The following CNTN5 variants were observed in gnomAD, a reference collection of about 807,000 sequenced individuals.
CNTN5 encodes the protein contactin 5, also known as contactin-5.
A neutral mutation model predicts 129.1 loss-of-function variants in CNTN5; 77 were observed. That is an observed-to-expected ratio of 0.60 (90% CI 0.50 to 0.72). The LOEUF (loss-of-function observed/expected upper bound fraction) is 0.72, where lower values mean the gene tolerates loss of function less well. Ranked by LOEUF, CNTN5 falls within the 30% of genes least tolerant of loss-of-function variation. CNTN5 has a pLI of 0.00. For synonymous variants in CNTN5, 509 were observed against 465.6 expected (o/e 1.09, Z -1.20); for missense variants, 1,478 against 1,328.8 (o/e 1.11, Z -1.75).
intron 3 of CNTN5, among the ~76,000 whole-genome samples, chr11:99,637,733 TTA>T (rs1355556724): frequency 6.6e-6 from 1 of 151,832 alleles, no homozygotes. Context: ...AAATTAACTA[TTA>T]TATCAGTCTT....
intron 2 of CNTN5, among the ~76,000 whole-genome samples, chr11:99,422,402 A>C (rs144099937): frequency 2.2e-4 from 33 of 151,206 alleles, no homozygotes; most frequent in African/African-American, 8.0e-4. Flanking sequence ...TATCAGGGGA[A>C]TCGTTTAGGT....
intron 21 of CNTN5, among the ~76,000 whole-genome samples, chr11:100,334,551 G>A (rs1951986770): frequency 6.6e-6 from 1 of 151,904 alleles, no homozygotes; most frequent in Non-Finnish European, 1.5e-5. Flanking sequence ...ATCAATGAGT[G>A]GATAAAGAAA....
chr11:99,845,047 G>C (rs1038746852), intron 5 of CNTN5, 40 bp from the exon 6 acceptor site: 1 of 1,610,476 alleles, frequency 6.2e-7, no homozygotes, highest in East Asian at 2.2e-5. Flanking sequence ...GACACTCTCA[G>C]GGAGGATTAT....
intron 3 of CNTN5, among the ~76,000 whole-genome samples, chr11:99,569,931 T>G (rs1350914718): frequency 2.6e-5 from 4 of 152,044 alleles, no homozygotes; most frequent in Non-Finnish European, 5.9e-5. Flanking sequence ...ATAGCAATTA[T>G]CTTAGCTTAG....
intron 18 of CNTN5, among the ~76,000 whole-genome samples, chr11:100,281,929 C>A (rs1198801937): frequency 6.6e-6 from 1 of 150,512 alleles, no homozygotes; most frequent in Non-Finnish European, 1.5e-5. Context: ...GTGTTGGATT[C>A]TCTTTATTAT....
intron 13 of CNTN5, among the ~76,000 whole-genome samples, chr11:100,151,944 A>G (rs1947074944): frequency 6.6e-6 from 1 of 151,374 alleles, no homozygotes; most frequent in Admixed American, 6.6e-5. Context: ...CTGTTTAATA[A>G]TATCTTTCAG....
At chr11:99,995,374 T>C (rs538816689) in intron 8 of CNTN5, among the ~76,000 whole-genome samples, 7 of 152,152 alleles carry the variant, frequency 4.6e-5, no homozygotes, top group Admixed American at 1.3e-4. Flanking sequence ...AACCTTTCTG[T>C]CTTATGTGAG....
intron 2 of CNTN5, among the ~76,000 whole-genome samples, chr11:99,452,514 A>G (rs1354932583): frequency 1.3e-5 from 2 of 151,584 alleles, no homozygotes; most frequent in Non-Finnish European, 1.5e-5. Context: ...CTGGGACTAC[A>G]GGTGCCCGCC....
At chr11:100,098,963 T>C (rs77732435) in intron 13 of CNTN5, among the ~76,000 whole-genome samples, 2,761 of 152,162 alleles carry the variant, frequency 0.018, 73 homozygotes, top group African/African-American at 0.062. Context: ...TCATTTCTGC[T>C]GTATTCTACT....
intron 16 of CNTN5, among the ~76,000 whole-genome samples, chr11:100,231,760 C>A (rs1355972613): frequency 6.6e-6 from 1 of 152,162 alleles, no homozygotes; most frequent in African/African-American, 2.4e-5. Context: ...CTATTCTAAG[C>A]AAATAGTTGT....
chr11:100,148,894 CA>C (rs35869036), intron 13 of CNTN5, among the ~76,000 whole-genome samples: 2,978 of 142,758 alleles, frequency 0.021, 90 homozygotes, highest in African/African-American at 0.067. Flanking sequence ...CATGAGCTAA[CA>C]AAAAAAAAAG....
chr11:99,507,375 CAAAA>C, intron 2 of CNTN5, among the ~76,000 whole-genome samples: 1 of 87,418 alleles, frequency 1.1e-5, no homozygotes, highest in Admixed American at 1.4e-4. Context: ...GACTCTGTCT[CAAAA>C]AAAAAAAAAA....
At chr11:99,402,907 C>T (rs1277250484) in intron 2 of CNTN5, among the ~76,000 whole-genome samples, 1 of 152,020 alleles carries the variant, frequency 6.6e-6, no homozygotes, top group Non-Finnish European at 1.5e-5. Context: ...GTGGTATCAA[C>T]TGTCATGTCT....
intron 2 of CNTN5, among the ~76,000 whole-genome samples, chr11:99,525,772 T>C (rs1947461250): frequency 6.6e-6 from 1 of 152,264 alleles, no homozygotes; most frequent in African/African-American, 2.4e-5. Context: ...CGTGAATTTC[T>C]ACTCAGAAAC....
At chr11:100,272,565 C>T (rs78757382) in intron 18 of CNTN5, among the ~76,000 whole-genome samples, 5,292 of 152,002 alleles carry the variant, frequency 0.035, 134 homozygotes, top group South Asian at 0.097. Context: ...AGATGGCCCA[C>T]TAGACTCAAG....
Position 99,321,620 on chromosome 11 carries a change from G to T in CNTN5, c.-209-3726G>T, listed in dbSNP as rs1865573559. Among the ~76,000 whole-genome samples, 2 of 152,066 alleles carry T rather than the reference G, an allele frequency of 1.3e-5. 1 individual carries two copies. The highest frequency in any genetic ancestry group is 4.1e-4 in the South Asian group (2 of 4,826). Reference sequence around the variant, plus strand: ...ACTTGGTTACTTCTTGGAGAGTGCTGCTAGCTGAAGAGATGTGGGCAAGAA... The same window carrying T: ...ACTTGGTTACTTCTTGGAGAGTGCTTCTAGCTGAAGAGATGTGGGCAAGAA... On this transcript the variant is annotated intron_variant, in intron 1 of 24. Transcript: ENST00000524871.
chr11:99,323,143 CT>C (rs921659369), intron 1 of CNTN5, among the ~76,000 whole-genome samples: 32 of 152,060 alleles, frequency 2.1e-4, no homozygotes, highest in Non-Finnish European at 4.4e-5. Flanking sequence ...ATTTTCTCAT[CT>C]ATTATTTCTT....
intron 2 of CNTN5, among the ~76,000 whole-genome samples, chr11:99,481,182 A>G (rs1401666904): frequency 6.6e-6 from 1 of 152,112 alleles, no homozygotes; most frequent in Non-Finnish European, 1.5e-5. Flanking sequence ...CTGGGTCTTC[A>G]GTAAGCAGTA....
chr11:99,725,956 A>G (rs1943322596), intron 3 of CNTN5, among the ~76,000 whole-genome samples: 1 of 152,264 alleles, frequency 6.6e-6, no homozygotes, highest in Non-Finnish European at 1.5e-5. Flanking sequence ...ACTTCAGAAT[A>G]GCCAAATAAG....
Sources: gnomAD v4.1 joint callset for allele counts (sites outside exome capture counted in the v4.1 genomes callset) on GRCh38, gnomAD v4.1.1 for gene constraint, MANE v1.5 for transcripts, NCBI Gene and HGNC (gene_info 2026-07-23, HGNC 2026-07-21) for gene names.